The following UBXN11 variants were observed in gnomAD, a reference collection of about 807,000 sequenced individuals.
The protein encoded by UBXN11 is UBX domain protein 11, also known as UBX domain-containing protein 11.
Under a neutral mutation model 62.8 loss-of-function variants are expected in UBXN11, and 47 were observed. The observed-to-expected ratio is 0.75, with a 90% CI of 0.59 to 0.95. The LOEUF (loss-of-function observed/expected upper bound fraction) is 0.95. UBXN11 is among the 40% of genes least tolerant of loss of function. UBXN11 has a pLI of 0.00. For missense variants in UBXN11, 638 were observed against 661.7 expected (o/e 0.96, Z 0.39); for synonymous variants, 294 against 267.0 (o/e 1.10, Z -0.99).
rs143508773 is a variant in UBXN11 at position 26,291,381 on chromosome 1, C to G, written c.559+2824G>C. Reference sequence around the variant, plus strand: ...GCCGAATCAAGGCCCCCCGCCCATGCTGAAAAAATCAAAGAACAAAAGAAG... The same window carrying G: ...GCCGAATCAAGGCCCCCCGCCCATGGTGAAAAAATCAAAGAACAAAAGAAG... On this transcript the variant is annotated intron_variant, in intron 8 of 14. Transcript: ENST00000374222. Among the ~76,000 whole-genome samples, 953 of 152,304 alleles carry G rather than the reference C, an allele frequency of 6.3e-3. 10 individuals carry two copies. Among genetic ancestry groups the G allele is most frequent in the African/African-American group, 0.02 (841 of 41,558 alleles).
rs750310006 is a variant in UBXN11, at chr1:26,282,317, G to A, written c.1545C>T (p.Pro515=). ...GGGTGCTTTATTGGGGGCTGGGACT[G>A]GGTCCAGGACAGGGACTGGGGCCGG... ...PGPGPSPCPG[P]SPSPQ The change falls in exon 15 of 15, where the codon CCC becomes CCT. Residue 515 remains proline, a synonymous_variant. Transcript: ENST00000374222. The A allele has an allele frequency of 2.0e-6, 3 of 1,497,638 alleles. No individual in the cohort carries two copies. Among genetic ancestry groups the A allele is most frequent in the Non-Finnish European group, 2.7e-6 (3 of 1,127,918 alleles). The allele number at this position is 1,497,638 out of a possible 1,614,324, so 92.8% of individuals were successfully genotyped here. A position where few individuals can be genotyped will look rare whatever the true frequency, so the allele number is the denominator to read the frequency against.
chr1:26,285,290 C>A, intron 10 of UBXN11, 174 bp downstream of exon 10: 1 of 1,408,204 alleles, frequency 7.1e-7, no homozygotes, highest in Non-Finnish European at 9.3e-7. Context: ...CTGTTTCGGG[C>A]CTCTCCGCTC....
chr1:26,318,236 C>T (rs2073818452), exon 1 of UBXN11: 2 of 629,320 alleles, frequency 3.2e-6, no homozygotes, highest in Non-Finnish European at 5.6e-6. Context: ...GGCCGCCCAG[C>T]CTTCCAGCTC....
chr1:26,285,205 G>A, intron 10 of UBXN11: 1 of 1,276,480 alleles, frequency 7.8e-7, no homozygotes, highest in Non-Finnish European at 1.0e-6. Flanking sequence ...CCTGAAAGCT[G>A]GGGAGGACTA....
chr1:26,284,423 C>G lies in UBXN11; in HGVS notation c.912G>C (p.Glu304Asp). ...LEDGLDPFPG[E>D]GRVVGRQLMH... is the part of the protein sequence containing the mutation. ...TCAGCTGCCTGCCCACCACACGGCCCTCGCCTGGGAAGGGGTCCAGTCCAT... is the reference window on the plus strand; with the variant it reads ...TCAGCTGCCTGCCCACCACACGGCCGTCGCCTGGGAAGGGGTCCAGTCCAT... The change falls in exon 11 of 15, where the codon GAG becomes GAC. Residue 304 changes from glutamate to aspartate, a missense_variant. Glu to Asp is a conservative substitution (Grantham distance 45, BLOSUM62 2). Coordinates refer to ENST00000374222, the MANE Select transcript of UBXN11 (RefSeq NM_001389556.1). The G allele has an allele frequency of 6.2e-7, 1 of 1,613,864 alleles. No homozygotes were observed.
chr1:26,285,087 C>CT, intron 10 of UBXN11: 2 of 1,035,580 alleles, frequency 1.9e-6, no homozygotes, highest in Non-Finnish European at 1.2e-6. Context: ...GTCCCCTCTG[C>CT]TTTGCATTTG....
chr1:26,302,121 T>G (rs1315190350), intron 2 of UBXN11, among the ~76,000 whole-genome samples: 2 of 151,996 alleles, frequency 1.3e-5, no homozygotes, highest in African/African-American at 4.8e-5. Flanking sequence ...TTCCAGCACT[T>G]TGGGAGGCCG....
chr1:26,289,099 A>T (rs889500044), intron 8 of UBXN11, among the ~76,000 whole-genome samples: 2 of 152,094 alleles, frequency 1.3e-5, no homozygotes, highest in African/African-American at 4.8e-5. Flanking sequence ...CTTACTTAGC[A>T]CCCAGCCAAC....
chr1:26,312,711 C>A (rs1441439390), intron 1 of UBXN11, among the ~76,000 whole-genome samples: 1 of 151,316 alleles, frequency 6.6e-6, no homozygotes, highest in Admixed American at 6.6e-5. Flanking sequence ...GACACAGTGG[C>A]TCACGACTGT....
chr1:26,284,299 G>C, intron 11 of UBXN11, 54 bp from the exon 12 acceptor site: 2 of 1,610,434 alleles, frequency 1.2e-6, no homozygotes, highest in South Asian at 1.1e-5. Context: ...TGGTGGTGGA[G>C]CCCCCCTGGA....
At chr1:26,310,431 T>C (rs192340330), upstream of UBXN11, among the ~76,000 whole-genome samples, 1,393 of 151,606 alleles carry the variant, frequency 9.2e-3, 85 homozygotes, top group Admixed American at 0.084. Context: ...CCAGCTACTT[T>C]GGAGGCTAAA....
At position 26,284,439 on chromosome 1, in the gene UBXN11, T is replaced by C; in HGVS notation, c.896A>G (p.Asp299Gly). Residue 299 changes from aspartate to glycine, a missense_variant, in exon 11 of 15, where the codon GAC (aspartate) becomes GGC (glycine). Coordinates refer to ENST00000374222, the MANE Select transcript of UBXN11 (RefSeq NM_001389556.1). ...CACACGGCCCTCGCCTGGGAAGGGGTCCAGTCCATCCTCCAGGTAGACCTG... is the reference window on the plus strand; with the variant it reads ...CACACGGCCCTCGCCTGGGAAGGGGCCCAGTCCATCCTCCAGGTAGACCTG... ...RNQVYLEDGLDPFPGEGRVVG... is the reference protein window; with the variant it reads ...RNQVYLEDGLGPFPGEGRVVG... 6.2e-7 allele frequency: 1 copy of C among 1,613,600 alleles called. No homozygotes were observed. The highest frequency in any genetic ancestry group is 8.5e-7 in the Non-Finnish European group (1 of 1,179,726).
intron 7 of UBXN11, among the ~76,000 whole-genome samples, chr1:26,294,830 G>A (rs1257511102): frequency 2.0e-5 from 3 of 152,076 alleles, no homozygotes; most frequent in Admixed American, 1.3e-4. Flanking sequence ...TGGCTCCATC[G>A]CCATACCTCT....
chr1:26,283,056 G>T, intron 12 of UBXN11, 119 bp from the exon 13 acceptor site: 1 of 1,321,396 alleles, frequency 7.6e-7, no homozygotes, highest in Non-Finnish European at 1.1e-6. Context: ...AAAGCGGGAG[G>T]GGGTGTTCTG....
At chr1:26,290,706 C>A (rs1256466146) in intron 8 of UBXN11, among the ~76,000 whole-genome samples, 1 of 151,484 alleles carries the variant, frequency 6.6e-6, no homozygotes, top group Admixed American at 6.6e-5. Context: ...GGGGTGCTGG[C>A]AGGGAGAGGT....
upstream of UBXN11, chr1:26,306,836 G>A (rs963254721): frequency 8.2e-6 from 1 of 121,556 alleles, no homozygotes; most frequent in Non-Finnish European, 1.8e-5. Context: ...GGGTGGGGGG[G>A]GGGGGTGGTT....
chr1:26,306,833 G>GGGGGGGT (rs2073680982), upstream of UBXN11: 6 of 32,156 alleles, frequency 1.9e-4, no homozygotes, highest in Non-Finnish European at 2.5e-4. Context: ...GCGGGGTGGG[G>GGGGGGGT]GGGGGGGGTG....
upstream of UBXN11, among the ~76,000 whole-genome samples, chr1:26,308,935 AT>A (rs57323315): frequency 0.14 from 14,765 of 107,764 alleles, 716 homozygotes; most frequent in Middle Eastern, 0.2. Flanking sequence ...CAGTCGTTTG[AT>A]TTTTTTTTTT....
chr1:26,318,128 G>A, exon 1 of UBXN11: 1 of 1,460,740 alleles, frequency 6.8e-7, no homozygotes, highest in South Asian at 1.1e-5. Context: ...TGGCATGGAG[G>A]GAGGGCATAC....
Sources: gnomAD v4.1 joint callset for allele counts (sites outside exome capture counted in the v4.1 genomes callset) on GRCh38, gnomAD v4.1.1 for gene constraint, MANE v1.5 for transcripts, NCBI Gene and HGNC (gene_info 2026-07-23, HGNC 2026-07-21) for gene names.